RYR2: variants seen among roughly 807,000 people sequenced by gnomAD.
RYR2 encodes cardiac muscle ryanodine receptor-calcium release channel.
A neutral mutation model predicts 601.1 loss-of-function variants in RYR2; 227 were observed. The ratio of observed to expected loss-of-function variants is 0.38; its 90% CI spans 0.34 to 0.42. The LOEUF (loss-of-function observed/expected upper bound fraction) is 0.42. Ranked by LOEUF, RYR2 falls within the 10% of genes least tolerant of loss-of-function variation. The probability of loss-of-function intolerance (pLI) is 1.00; values close to 1 mark genes in which losing one functional copy is unlikely to be tolerated. For synonymous variants in RYR2, 2,223 were observed against 2,175.1 expected (o/e 1.02, Z -0.61); for missense variants, 4,646 against 6,156.5 (o/e 0.75, Z 8.21).
chr1:237,716,439 G>T (rs2149097709), intron 71 of RYR2, among the ~76,000 whole-genome samples: 1 of 152,106 alleles, frequency 6.6e-6, no homozygotes, highest in East Asian at 1.9e-4. Context: ...AAGTGGATGT[G>T]GGACAATTAT....
At chr1:237,640,751 G>A (rs986397233) in intron 46 of RYR2, 146 bp from the exon 47 acceptor site, 43 of 600,496 alleles carry the variant, frequency 7.2e-5, no homozygotes, top group Middle Eastern at 4.5e-4. Context: ...CCTTAAAAAC[G>A]TCAAGCTCTA....
intron 1 of RYR2, among the ~76,000 whole-genome samples, chr1:237,255,060 T>A (rs1223571687): frequency 6.6e-6 from 1 of 152,196 alleles, no homozygotes; most frequent in Non-Finnish European, 1.5e-5. Flanking sequence ...GCACACACAT[T>A]ATGATGAAGT....
chr1:237,461,692 CA>C, intron 16 of RYR2, among the ~76,000 whole-genome samples: 1 of 145,740 alleles, frequency 6.9e-6, no homozygotes, highest in East Asian at 2.0e-4. Flanking sequence ...TAATTGATAG[CA>C]AAAGTAAAAA....
At chr1:237,384,860 T>C (rs1324823189) in intron 8 of RYR2, among the ~76,000 whole-genome samples, 2 of 152,222 alleles carry the variant, frequency 1.3e-5, no homozygotes, top group Non-Finnish European at 2.9e-5. Context: ...AAAGGCTTTT[T>C]CCTACCTTCC....
intron 80 of RYR2, among the ~76,000 whole-genome samples, chr1:237,743,884 A>C (rs2685298): frequency 0.21 from 32,660 of 152,212 alleles, 4,148 homozygotes; most frequent in Middle Eastern, 0.32. Flanking sequence ...GTGCTGGGAT[A>C]AAGGAGTCCA....
rs533097677 is a variant in RYR2, at chr1:237,118,580, G to C, written c.48+76011G>C. Among the ~76,000 whole-genome samples, 3 of 152,028 alleles carry C rather than the reference G, an allele frequency of 2.0e-5. No homozygotes were observed. The South Asian group carries it at 6.3e-4, about 32-fold the overall frequency. ...GAGCTGCTGGGAGGGAAAATAGGGAGTTATTGTTTGTTTGTTTTTGTTTGT... is the reference window on the plus strand; with the variant it reads ...GAGCTGCTGGGAGGGAAAATAGGGACTTATTGTTTGTTTGTTTTTGTTTGT... On this transcript the variant is annotated intron_variant, in intron 1 of 104. Transcript: ENST00000366574.
At chr1:237,126,479 A>T (rs1001010745) in intron 1 of RYR2, among the ~76,000 whole-genome samples, 1 of 151,798 alleles carries the variant, frequency 6.6e-6, no homozygotes, top group African/African-American at 2.4e-5. Context: ...GCAACCTTTT[A>T]TCTCCCTCCC....
chr1:237,648,722 G>A, intron 49 of RYR2, 109 bp downstream of exon 49: 1 of 1,238,942 alleles, frequency 8.1e-7, no homozygotes, highest in Non-Finnish European at 1.1e-6. Context: ...AATGTTTATT[G>A]AGTACCTGTT....
At chr1:237,622,140 C>T (rs1679141646) in intron 38 of RYR2, among the ~76,000 whole-genome samples, 2 of 151,900 alleles carry the variant, frequency 1.3e-5, no homozygotes, top group Non-Finnish European at 2.9e-5. Flanking sequence ...ACATAAATGC[C>T]AAAAAGAAAA....
chr1:237,108,484 C>G (rs779704497), intron 1 of RYR2, among the ~76,000 whole-genome samples: 3 of 152,220 alleles, frequency 2.0e-5, no homozygotes, highest in African/African-American at 7.2e-5. Context: ...GGAGCAGGGC[C>G]GCTGGAGCAG....
chr1:237,115,240 C>A (rs995533281), intron 1 of RYR2, among the ~76,000 whole-genome samples: 12 of 152,078 alleles, frequency 7.9e-5, no homozygotes, highest in African/African-American at 2.7e-4. Context: ...AACCACACCC[C>A]CCCCCTTGCT....
At chr1:237,331,751 T>TGG (rs1696761875) in intron 3 of RYR2, among the ~76,000 whole-genome samples, 1 of 151,892 alleles carries the variant, frequency 6.6e-6, no homozygotes, top group African/African-American at 2.4e-5. Context: ...CCTGACCTCG[T>TGG]GATCTGCCCA....
At chr1:237,816,609 A>C (rs774966433) in intron 100 of RYR2, among the ~76,000 whole-genome samples, 6 of 151,910 alleles carry the variant, frequency 3.9e-5, no homozygotes, top group Non-Finnish European at 5.9e-5. Context: ...GAATCGCTTG[A>C]ACCCAGGAGG....
At chr1:237,732,221 C>A in intron 78 of RYR2, 72 bp downstream of exon 78, 2 of 837,454 alleles carry the variant, frequency 2.4e-6, no homozygotes, top group South Asian at 1.7e-5. Context: ...TATTCTGTGC[C>A]ATGTGTTCAT....
chr1:237,702,130 C>A, intron 66 of RYR2, 71 bp downstream of exon 66: 3 of 873,248 alleles, frequency 3.4e-6, no homozygotes, highest in Non-Finnish European at 3.7e-6. Context: ...TTTCAAGAAT[C>A]TTCATTTCAT....
chr1:237,529,741 A>C (rs552510498), intron 24 of RYR2, among the ~76,000 whole-genome samples: 1 of 145,364 alleles, frequency 6.9e-6, no homozygotes, highest in East Asian at 2.1e-4. Context: ...TTTCTATAAA[A>C]GGTAAAACAA....
intron 17 of RYR2, among the ~76,000 whole-genome samples, chr1:237,488,115 C>G (rs1662900938): frequency 6.6e-6 from 1 of 152,016 alleles, no homozygotes. Flanking sequence ...CTCTATGGGC[C>G]TTCATGAGTG....
chr1:237,590,055 C>G, intron 30 of RYR2, 54 bp downstream of exon 30: 1 of 1,491,128 alleles, frequency 6.7e-7, no homozygotes, highest in Non-Finnish European at 9.2e-7. Flanking sequence ...AAAAGAATAT[C>G]TTTATACAAA....
chr1:237,566,468 A>G (rs1312724230), intron 27 of RYR2, 99 bp from the exon 28 acceptor site: 6 of 1,224,676 alleles, frequency 4.9e-6, no homozygotes, highest in Admixed American at 2.3e-5. Flanking sequence ...TTGAATTACT[A>G]AAGTCGTGAT....
Sources: gnomAD v4.1 joint callset for allele counts (sites outside exome capture counted in the v4.1 genomes callset) on GRCh38, gnomAD v4.1.1 for gene constraint, MANE v1.5 for transcripts, NCBI Gene and HGNC (gene_info 2026-07-23, HGNC 2026-07-21) for gene names.